The following TRPM3 variants were observed in gnomAD, a reference collection of about 807,000 sequenced individuals.
The protein encoded by TRPM3 is transient receptor potential cation channel subfamily M member 3, also known as long transient receptor potential channel 3.
Under a neutral mutation model 181.2 loss-of-function variants are expected in TRPM3, and 77 were observed. That is an observed-to-expected ratio of 0.42 (90% CI 0.35 to 0.51). TRPM3 has a LOEUF of 0.51. Among genes scored for constraint, TRPM3 ranks in the 20% least tolerant of loss-of-function variants. TRPM3 has a pLI of 0.01. For synonymous variants in TRPM3, 745 were observed against 796.4 expected (o/e 0.94, Z 1.09); for missense variants, 1,759 against 2,196.7 (o/e 0.80, Z 3.98).
intron 3 of TRPM3, among the ~76,000 whole-genome samples, chr9:70,861,169 GT>G (rs1395673784): frequency 2.0e-5 from 3 of 152,070 alleles, no homozygotes; most frequent in Admixed American, 2.0e-4. Context: ...TAAGCTCTAG[GT>G]TTTATGAATT....
chr9:71,398,839 G>C (rs1232492511), intron 1 of TRPM3, among the ~76,000 whole-genome samples: 3 of 152,072 alleles, frequency 2.0e-5, no homozygotes, highest in African/African-American at 4.8e-5. Flanking sequence ...CACAGGTTAT[G>C]AACAGGCAAT....
At chr9:70,882,579 T>C (rs2096012939) in intron 1 of TRPM3, among the ~76,000 whole-genome samples, 1 of 152,152 alleles carries the variant, frequency 6.6e-6, no homozygotes, top group South Asian at 2.1e-4. Context: ...ACTTCACACT[T>C]AGCAAGAAAT....
rs556661369 is a variant in TRPM3 at position 71,344,054 on chromosome 9, A to T, written c.183+102599T>A. 1.2e-3 allele frequency among the ~76,000 whole-genome samples: 144 copies of T among 116,582 alleles called. 1 individual carries two copies. Among genetic ancestry groups the T allele is most frequent in the African/African-American group, 3.8e-3 (123 of 32,346 alleles). 76.5% of individuals were successfully genotyped at this position (116,582 alleles called of 152,430 possible). On this transcript the variant is annotated intron_variant, in intron 1 of 24. Transcript: ENST00000357533. ...TTAGATTAGATTAGATTAGATTGAT[A>T]GATAGATAAACTGAAGAGGAGGGAA...
At chr9:71,110,937 T>C (rs1162229102) in intron 1 of TRPM3, among the ~76,000 whole-genome samples, 4 of 152,222 alleles carry the variant, frequency 2.6e-5, no homozygotes, top group Admixed American at 6.5e-5. Context: ...TCTTCACTTA[T>C]TCATTGAAAT....
At chr9:71,120,154 T>C (rs1158378365) in intron 1 of TRPM3, among the ~76,000 whole-genome samples, 1 of 152,256 alleles carries the variant, frequency 6.6e-6, no homozygotes, top group Non-Finnish European at 1.5e-5. Flanking sequence ...TCAGGGCTAA[T>C]TCATTAATTC....
At chr9:71,248,860 A>G (rs1227354089) in intron 1 of TRPM3, among the ~76,000 whole-genome samples, 1 of 152,204 alleles carries the variant, frequency 6.6e-6, no homozygotes, top group South Asian at 2.1e-4. Flanking sequence ...GAAAGAAGTG[A>G]GCTTTATGGC....
rs1311758188 is a variant in TRPM3 at position 70,599,710 on chromosome 9, C to CT, written c.2797-1041dup. Among the ~76,000 whole-genome samples the CT allele has an allele frequency of 2.0e-5, 3 of 152,114 alleles. No individual in the cohort carries two copies. The East Asian group carries it at 5.8e-4, about 29-fold the overall frequency. On this transcript the variant is annotated intron_variant, in intron 20 of 25. Coordinates refer to ENST00000677713, the MANE Select transcript of TRPM3 (RefSeq NM_001366145.2). ...TCAAATGTCCCCTTTTTAGGAAGGC[C>CT]TTTTTTGATTACTTTAGCTGCAGCT...
Position 70,784,115 on chromosome 9 carries a change from CTGAG to C in TRPM3, c.1134_1137del (p.Tyr378Ter). ...TGGAAAGTTACCTACCCGCCTTCTT[CTGAG>C]TATTTATGCCCAAAGGCCAGGATGT... On this transcript the variant is annotated frameshift_variant, in exon 7 of 26. Transcript: ENST00000677713. LOFTEE classifies it high-confidence loss of function. 1.2e-6 allele frequency: 2 copies of C among 1,613,194 alleles called. No homozygotes were observed. Among genetic ancestry groups the C allele is most frequent in the Non-Finnish European group, 1.7e-6 (2 of 1,179,522 alleles).
intron 1 of TRPM3, among the ~76,000 whole-genome samples, chr9:71,091,697 A>G (rs2066249613): frequency 6.6e-6 from 1 of 152,096 alleles, no homozygotes; most frequent in Non-Finnish European, 1.5e-5. Context: ...TTGAGATTGA[A>G]TTTACTGTCA....
intron 1 of TRPM3, among the ~76,000 whole-genome samples, chr9:71,154,546 GC>G (rs1293343895): frequency 6.6e-6 from 1 of 151,986 alleles, no homozygotes; most frequent in Non-Finnish European, 1.5e-5. Context: ...AAACACAACT[GC>G]CCCCTCCCTC....
intron 22 of TRPM3, among the ~76,000 whole-genome samples, chr9:70,584,110 T>G (rs554005293): frequency 2.0e-5 from 3 of 152,168 alleles, no homozygotes; most frequent in African/African-American, 4.8e-5. Context: ...CGCAATAATG[T>G]GTCACTGGAG....
chr9:70,599,084 A>T (rs1046615639), intron 20 of TRPM3, among the ~76,000 whole-genome samples: 1 of 152,014 alleles, frequency 6.6e-6, no homozygotes, highest in Non-Finnish European at 1.5e-5. Flanking sequence ...ACCAAGTCCT[A>T]TCACCTCTAT....
intron 19 of TRPM3, among the ~76,000 whole-genome samples, chr9:70,607,809 T>C (rs1293691030): frequency 6.6e-6 from 1 of 152,232 alleles, no homozygotes; most frequent in Admixed American, 6.5e-5. Context: ...GTAAACTTTT[T>C]CTGCAAATGG....
chr9:71,222,824 C>G (rs1316559386), intron 1 of TRPM3, among the ~76,000 whole-genome samples: 1 of 152,162 alleles, frequency 6.6e-6, no homozygotes, highest in Non-Finnish European at 1.5e-5. Flanking sequence ...CAGGACTCAG[C>G]TGATACCCAC....
intron 7 of TRPM3, among the ~76,000 whole-genome samples, chr9:70,780,619 T>C (rs2082255923): frequency 2.6e-5 from 4 of 152,180 alleles, no homozygotes; most frequent in Admixed American, 2.6e-4. Flanking sequence ...CATGTGTGGC[T>C]AGACAATTTC....
intron 25 of TRPM3, among the ~76,000 whole-genome samples, chr9:70,539,400 A>G (rs1282657055): frequency 6.7e-6 from 1 of 149,492 alleles, no homozygotes; most frequent in Non-Finnish European, 1.5e-5. Flanking sequence ...CCCCACCCCG[A>G]CTCTGCTTTT....
chr9:70,783,772 G>T (rs1216177495), intron 7 of TRPM3: 20 of 907,420 alleles, frequency 2.2e-5, no homozygotes, highest in Non-Finnish European at 2.7e-5. Context: ...TGCTTCATGT[G>T]TTAAAACTCA....
At chr9:71,243,662 AG>A (rs2081859212) in intron 1 of TRPM3, among the ~76,000 whole-genome samples, 2 of 152,220 alleles carry the variant, frequency 1.3e-5, no homozygotes, top group East Asian at 1.9e-4. Context: ...TATTATTATT[AG>A]CAAGACCTTA....
chr9:71,275,996 C>T (rs1028992835), intron 1 of TRPM3, among the ~76,000 whole-genome samples: 16 of 152,064 alleles, frequency 1.1e-4, no homozygotes. Flanking sequence ...AACCCGCCAC[C>T]ACACCCGGCT....
Sources: allele counts gnomAD v4.1 joint callset (sites outside exome capture counted in the v4.1 genomes callset), GRCh38; gene constraint gnomAD v4.1.1; transcripts MANE v1.5; gene names NCBI Gene and HGNC (gene_info 2026-07-23, HGNC 2026-07-21).